Variants in ZNF326 observed in about 807,000 individuals in gnomAD.
ZNF326 encodes zinc finger protein 326.
In ZNF326, 30 loss-of-function variants were observed where a neutral mutation model predicts 63.1. The observed-to-expected ratio is 0.48, with a 90% CI of 0.36 to 0.64. The LOEUF (loss-of-function observed/expected upper bound fraction) is 0.64, where lower values mean the gene tolerates loss of function less well. Among genes scored for constraint, ZNF326 ranks in the 30% least tolerant of loss-of-function variants. The probability of loss-of-function intolerance (pLI) is 0.00; values close to 1 mark genes in which losing one functional copy is unlikely to be tolerated. For synonymous variants in ZNF326, 194 were observed against 228.2 expected, an observed-to-expected ratio of 0.85 and a Z score of 1.35; for missense variants, 609 against 720.3, an observed-to-expected ratio of 0.85 and a Z score of 1.77.
rs755399695 is a variant in ZNF326, at chr1:90,025,968, C to CT, written c.1402-1371dup. ...TCCTCCTGCACCAAGTGTTCCTTCACTTTTTTTTTTTTTTTCGAGACAGAG... is the reference window on the plus strand; with the variant it reads ...TCCTCCTGCACCAAGTGTTCCTTCACTTTTTTTTTTTTTTTTCGAGACAGAG... On this transcript the variant is annotated intron_variant, in intron 11 of 11. Transcript: ENST00000340281. Among the ~76,000 whole-genome samples, 440 of 136,204 alleles carry CT rather than the reference C, an allele frequency of 3.2e-3. 1 individual carries two copies. Among genetic ancestry groups the CT allele is most frequent in the African/African-American group, 3.8e-3 (144 of 37,410 alleles). The allele number at this position is 136,204 out of a possible 152,430, so 89.4% of individuals were successfully genotyped here.
At position 90,030,336 on chromosome 1, in the gene ZNF326, C is replaced by G. The variant is rs148549797; in HGVS notation, c.*2635C>G. 13 of 151,080 alleles carry G rather than the reference C, an allele frequency of 8.6e-5. No individual in the cohort carries two copies. The highest frequency in any genetic ancestry group is 2.9e-4 in the African/African-American group (12 of 40,884). The allele number at this position is 151,080 out of a possible 1,614,324, so 9.4% of individuals were successfully genotyped here. Reference sequence around the variant, plus strand: ...AATGTAATTCAGATGATGTTAATCTCATGCTTTTTTTTTTTTTGTACCTAT... The same window carrying G: ...AATGTAATTCAGATGATGTTAATCTGATGCTTTTTTTTTTTTTGTACCTAT... On this transcript the variant is annotated 3_prime_UTR_variant, in exon 12 of 12. Transcript: ENST00000340281.
chr1:90,017,270 A>T, intron 7 of ZNF326, 47 bp from the exon 8 acceptor site: 1 of 1,306,072 alleles, frequency 7.7e-7, no homozygotes. Flanking sequence ...AACTCTTTAT[A>T]GTTGAATAAA....
rs768243804 is a variant in ZNF326, at chr1:90,010,335, T to C, written c.814+49T>C. On this transcript the variant is annotated intron_variant, in intron 6 of 11. Transcript: ENST00000340281. Reference sequence around the variant, plus strand: ...ATGATTCAGGATACTTTTTATTTTTTAAAATTCCATACTTTTTGGTAATTT... The same window carrying C: ...ATGATTCAGGATACTTTTTATTTTTCAAAATTCCATACTTTTTGGTAATTT... The C allele has an allele frequency of 3.2e-6, 5 of 1,565,768 alleles. No homozygotes were observed. In the Admixed American group the frequency reaches 9.5e-5, roughly 30 times the overall value.
At chr1:90,010,015 A>C in intron 5 of ZNF326, 73 bp from the exon 6 acceptor site, 1 of 1,460,210 alleles carries the variant, frequency 6.8e-7, no homozygotes, top group South Asian at 1.3e-5. Flanking sequence ...GATAGTTAAC[A>C]TGAAAATTTT....
intron 10 of ZNF326, 109 bp downstream of exon 10, chr1:90,021,031 CAT>C (rs1649744292): frequency 8.5e-7 from 1 of 1,175,994 alleles, no homozygotes; most frequent in East Asian, 2.5e-5. Flanking sequence ...TTATCAATCT[CAT>C]ATGGAAATAA....
chr1:90,025,729 T>C (rs1252253687), intron 11 of ZNF326, among the ~76,000 whole-genome samples: 2 of 152,236 alleles, frequency 1.3e-5, no homozygotes, highest in Non-Finnish European at 2.9e-5. Context: ...TTATCAAATC[T>C]AGTGGTCTTT....
Position 90,007,364 on chromosome 1 carries a change from T to C in ZNF326, c.229T>C (p.Tyr77His). Residue 77 changes from tyrosine (Y) to histidine (H), a missense_variant, in exon 5 of 12, where the codon TAC becomes CAC. Coordinates refer to ENST00000340281, the MANE Select transcript of ZNF326 (RefSeq NM_182976.4). This position sits in a 1 kb window ranked among gnomAD's most constrained non-coding sequence, Gnocchi z 4.9. ...GGSRFGPYES[Y>H]DSRSSLGGRD... ...TTCCAGGTTTGGACCTTATGAGTCT[T>C]ACGACTCCAGGTCTTCTCTGGGTGG... 6.2e-7 allele frequency: 1 copy of C among 1,611,368 alleles called. No individual in the cohort carries two copies. The highest frequency in any genetic ancestry group is 8.5e-7 in the Non-Finnish European group (1 of 1,178,632).
rs571937330 is a variant in ZNF326, at chr1:90,017,483, A to T, written c.1074+19A>T. On this transcript the variant is annotated intron_variant, in intron 8 of 11. Coordinates refer to ENST00000340281, the MANE Select transcript of ZNF326 (RefSeq NM_182976.4). ...TTTGCATGTGAGTAGCTGTTTTTGAAGTGAGAAGCATTTTATTGATATGAA... is the reference window on the plus strand; with the variant it reads ...TTTGCATGTGAGTAGCTGTTTTTGATGTGAGAAGCATTTTATTGATATGAA... The T allele has an allele frequency of 1.6e-5, 25 of 1,560,212 alleles. No homozygotes were observed. In the South Asian group the frequency reaches 2.8e-4, roughly 17 times the overall value.
At chr1:90,025,149 T>C (rs180961756) in intron 11 of ZNF326, among the ~76,000 whole-genome samples, 44 of 152,282 alleles carry the variant, frequency 2.9e-4, no homozygotes, top group African/African-American at 1.0e-3. Context: ...TTGCTTCCTC[T>C]CTATTATTCA....
chr1:90,021,188 T>C (rs1649754605), intron 10 of ZNF326, among the ~76,000 whole-genome samples: 1 of 152,050 alleles, frequency 6.6e-6, no homozygotes, highest in East Asian at 1.9e-4. Flanking sequence ...AAAATGAGGG[T>C]AGATGATCAT....
Position 90,020,799 on chromosome 1 carries a change from T to C in ZNF326, c.1182T>C (p.Thr394=). ...ATTGGATGTCTTTTGTAGGTGTTAC[T>C]GTAGATGATCACATGATGAAGGTAG... ...IIEKDVMEGV[T]VDDHMMKVET... Residue 394 remains threonine, a synonymous_variant, in exon 10 of 12, where the codon ACT becomes ACC. Transcript: ENST00000340281. 6.2e-7 allele frequency: 1 copy of C among 1,609,840 alleles called. No individual in the cohort carries two copies. Among genetic ancestry groups the C allele is most frequent in the Non-Finnish European group, 8.5e-7 (1 of 1,178,282 alleles).
intron 1 of ZNF326, among the ~76,000 whole-genome samples, chr1:89,996,670 C>A (rs963212779): frequency 2.0e-5 from 3 of 150,600 alleles, no homozygotes; most frequent in African/African-American, 7.4e-5. Flanking sequence ...ACCCGGGAGG[C>A]GAAGGTTGCA....
chr1:90,021,279 G>C (rs1649759359), intron 10 of ZNF326, among the ~76,000 whole-genome samples: 1 of 151,984 alleles, frequency 6.6e-6, no homozygotes, highest in African/African-American at 2.4e-5. Context: ...GTAATGGTAA[G>C]CATTCAGGAA....
At chr1:90,017,487 A>G in intron 8 of ZNF326, 23 bp downstream of exon 8, 3 of 1,558,014 alleles carry the variant, frequency 1.9e-6, no homozygotes, top group Non-Finnish European at 2.6e-6. Context: ...TTTTGAAGTG[A>G]GAAGCATTTT....
At chr1:90,025,710 ATGT>A (rs1649985358) in intron 11 of ZNF326, among the ~76,000 whole-genome samples, 1 of 152,178 alleles carries the variant, frequency 6.6e-6, no homozygotes, top group African/African-American at 2.4e-5. Context: ...AAGATTACTA[ATGT>A]TGTCATTATC....
chr1:90,016,187 C>T (rs931895898), intron 7 of ZNF326, among the ~76,000 whole-genome samples: 10 of 152,028 alleles, frequency 6.6e-5, no homozygotes, highest in African/African-American at 1.9e-4. Flanking sequence ...CCTCTGTGAG[C>T]GTTCTCATCT....
chr1:89,995,910 A>C (rs1557512264), intron 1 of ZNF326, among the ~76,000 whole-genome samples: 1 of 152,264 alleles, frequency 6.6e-6, no homozygotes, highest in African/African-American at 2.4e-5. Context: ...TGAAATATTT[A>C]TGTGAACCAA....
intron 4 of ZNF326, chr1:90,005,850 G>C (rs560206317): frequency 1.0e-6 from 1 of 985,452 alleles, no homozygotes; most frequent in East Asian, 1.1e-4. Flanking sequence ...TAGAAGCATT[G>C]TATTAAAGCC....
chr1:90,027,618 G>A lies in ZNF326; in HGVS notation c.1666G>A (p.Val556Ile). The A allele has an allele frequency of 6.2e-7, 1 of 1,613,520 alleles. No individual in the cohort carries two copies. Among genetic ancestry groups the A allele is most frequent in the Non-Finnish European group, 8.5e-7 (1 of 1,179,776 alleles). The change falls in exon 12 of 12, where the codon GTA becomes ATA. Residue 556 changes from valine to isoleucine, a missense_variant. Val to Ile is a conservative substitution (Grantham distance 29). Transcript: ENST00000340281. ...GGGAGAAGTAGAGGGAGTGGGGGAA[G>A]TAGAGGAAGTAGAGGAATTAGAGGA... ...VVGEVEGVGE[V>I]EEVEELEEET...
Sources: gnomAD v4.1 joint callset for allele counts (sites outside exome capture counted in the v4.1 genomes callset) on GRCh38, gnomAD v4.1.1 for gene constraint, Gnocchi (gnomAD v3.1) non-coding constraint, MANE v1.5 for transcripts, NCBI Gene and HGNC (gene_info 2026-07-23, HGNC 2026-07-21) for gene names.